The following GALNT13 variants were observed in gnomAD, a reference collection of about 807,000 sequenced individuals.
The protein encoded by GALNT13 is polypeptide N-acetylgalactosaminyltransferase 13, also known as UDP-GalNAc:polypeptide N-acetylgalactosaminyltransferase 13.
Under a neutral mutation model 64.2 loss-of-function variants are expected in GALNT13, and 28 were observed. The ratio of observed to expected loss-of-function variants is 0.44; its 90% CI spans 0.32 to 0.60. GALNT13 has a LOEUF of 0.60. Ranked by LOEUF, GALNT13 falls within the 20% of genes least tolerant of loss-of-function variation. The probability of loss-of-function intolerance (pLI) is 0.05; values close to 1 mark genes in which losing one functional copy is unlikely to be tolerated. For missense variants in GALNT13, 577 were observed against 669.8 expected, an observed-to-expected ratio of 0.86 and a Z score of 1.53; for synonymous variants, 214 against 224.6, an observed-to-expected ratio of 0.95 and a Z score of 0.42.
At chr2:153,696,070 C>T in the GALNT13 span, among the ~76,000 whole-genome samples, 6 of 152,034 alleles carry the variant, frequency 3.9e-5, no homozygotes, top group African/African-American at 1.4e-4. Context: ...AAGGTAAAGT[C>T]CCACAATAGG....
chr2:154,046,073 T>C (rs1369310237), intron 3 of GALNT13, among the ~76,000 whole-genome samples: 3 of 151,958 alleles, frequency 2.0e-5, no homozygotes, highest in South Asian at 2.1e-4. Flanking sequence ...TTTGGGAGGA[T>C]GAGGCAGGAG....
At chr2:153,823,301 T>A in the GALNT13 span, among the ~76,000 whole-genome samples, 1 of 152,124 alleles carries the variant, frequency 6.6e-6, no homozygotes, top group South Asian at 2.1e-4. Context: ...ACTCAAAAAG[T>A]GCCTGAATAG....
the GALNT13 span, among the ~76,000 whole-genome samples, chr2:153,734,412 G>A: frequency 2.0e-5 from 3 of 152,198 alleles, no homozygotes; most frequent in South Asian, 6.2e-4. Flanking sequence ...GATCTGATAA[G>A]TCTAATCTGA....
intron 11 of GALNT13, among the ~76,000 whole-genome samples, chr2:154,428,565 T>A (rs951085375): frequency 6.6e-6 from 1 of 152,164 alleles, no homozygotes; most frequent in Non-Finnish European, 1.5e-5. Flanking sequence ...CATACATTGT[T>A]TTATTACTCT....
chr2:153,257,447 C>T, the GALNT13 span, among the ~76,000 whole-genome samples: 1 of 152,098 alleles, frequency 6.6e-6, no homozygotes, highest in Admixed American at 6.5e-5. Flanking sequence ...TAGACCTGAG[C>T]TGTTCCTATT....
the GALNT13 span, among the ~76,000 whole-genome samples, chr2:153,316,292 C>A: frequency 2.7e-4 from 41 of 152,020 alleles, no homozygotes; most frequent in Non-Finnish European, 4.6e-4. Context: ...CCACTCTGAC[C>A]CAACCCTCCT....
the GALNT13 span, among the ~76,000 whole-genome samples, chr2:153,809,274 A>C: frequency 6.6e-6 from 1 of 152,230 alleles, no homozygotes; most frequent in Admixed American, 6.5e-5. Flanking sequence ...AACAATCAGC[A>C]AAATACACTA....
the GALNT13 span, among the ~76,000 whole-genome samples, chr2:153,432,160 T>G: frequency 6.6e-6 from 1 of 152,334 alleles, no homozygotes; most frequent in Non-Finnish European, 1.5e-5. Context: ...ATCAACAACC[T>G]TGCTTCCTAG....
intron 8 of GALNT13, among the ~76,000 whole-genome samples, chr2:154,283,120 C>A (rs1198138777): frequency 6.6e-6 from 1 of 151,996 alleles, no homozygotes; most frequent in Non-Finnish European, 1.5e-5. Context: ...TCAATGAAGG[C>A]CTTTTTAGAC....
chr2:153,743,261 C>T, the GALNT13 span, among the ~76,000 whole-genome samples: 74 of 152,214 alleles, frequency 4.9e-4, no homozygotes, highest in Non-Finnish European at 1.0e-3. Flanking sequence ...CTTTTCTTCA[C>T]ATCCATGGCA....
chr2:153,763,977 G>C, the GALNT13 span, among the ~76,000 whole-genome samples: 1 of 152,190 alleles, frequency 6.6e-6, no homozygotes, highest in Non-Finnish European at 1.5e-5. Context: ...AAGAACAGAG[G>C]AAGATGTGGG....
At chr2:153,511,999 G>A in the GALNT13 span, among the ~76,000 whole-genome samples, 2 of 152,082 alleles carry the variant, frequency 1.3e-5, no homozygotes, top group Admixed American at 1.3e-4. Flanking sequence ...CACAGTTATT[G>A]GTAATCTGCG....
chr2:153,600,297 A>G, the GALNT13 span, among the ~76,000 whole-genome samples: 1 of 151,974 alleles, frequency 6.6e-6, no homozygotes, highest in Non-Finnish European at 1.5e-5. Flanking sequence ...TTCAAATATA[A>G]CATGCAATTT....
At chr2:153,707,865 G>A in the GALNT13 span, among the ~76,000 whole-genome samples, 2 of 152,168 alleles carry the variant, frequency 1.3e-5, no homozygotes, top group African/African-American at 2.4e-5. Context: ...TGATCTGAGT[G>A]TAGTTCCAGA....
chr2:153,573,539 A>G, the GALNT13 span, among the ~76,000 whole-genome samples: 34,484 of 151,844 alleles, frequency 0.23, 4,357 homozygotes, highest in Admixed American at 0.38. Context: ...TCATTCATTA[A>G]TGGAGATAAT....
At chr2:153,519,389 A>C in the GALNT13 span, among the ~76,000 whole-genome samples, 2 of 152,196 alleles carry the variant, frequency 1.3e-5, no homozygotes, top group African/African-American at 4.8e-5. Context: ...GATCAGGAAG[A>C]GTCTAAATAG....
At chr2:153,318,645 GA>G in the GALNT13 span, among the ~76,000 whole-genome samples, 4 of 152,194 alleles carry the variant, frequency 2.6e-5, no homozygotes, top group Non-Finnish European at 5.9e-5. Flanking sequence ...CCTGATGTCA[GA>G]TGTAGCCTTG....
the GALNT13 span, among the ~76,000 whole-genome samples, chr2:153,564,339 A>G: frequency 6.6e-6 from 1 of 152,140 alleles, no homozygotes; most frequent in Non-Finnish European, 1.5e-5. Flanking sequence ...AAATATTTAT[A>G]CCATACTAAA....
At chr2:153,210,490 T>C in the GALNT13 span, among the ~76,000 whole-genome samples, 1 of 152,190 alleles carries the variant, frequency 6.6e-6, no homozygotes, top group Admixed American at 6.5e-5. Flanking sequence ...CTTGTATTCT[T>C]AGGATAAACA....
Sources: allele counts gnomAD v4.1 joint callset (sites outside exome capture counted in the v4.1 genomes callset), GRCh38; gene constraint gnomAD v4.1.1; transcripts MANE v1.5; gene names NCBI Gene and HGNC (gene_info 2026-07-23, HGNC 2026-07-21).